Variants in GABPA observed in about 807,000 individuals in gnomAD.
The protein encoded by GABPA is GA-binding protein alpha chain.
In GABPA, 4 loss-of-function variants were observed where a neutral mutation model predicts 59.4. The observed-to-expected ratio is 0.07, with a 90% CI of 0.03 to 0.15. The LOEUF is 0.15. GABPA is among the 10% of genes least tolerant of loss of function. GABPA has a pLI of 1.00. For synonymous variants in GABPA, 164 were observed against 183.1 expected (o/e 0.90, Z 0.84); for missense variants, 251 against 543.8 (o/e 0.46, Z 5.36).
At chr21:25,744,896 A>G (rs1051685005) in intron 2 of GABPA, among the ~76,000 whole-genome samples, 15 of 152,204 alleles carry the variant, frequency 9.9e-5, no homozygotes, top group African/African-American at 3.6e-4. Context: ...AAATAACTTG[A>G]AAATGTAATG....
At chr21:25,736,394 C>T (rs778153749) in intron 1 of GABPA, among the ~76,000 whole-genome samples, 17 of 152,262 alleles carry the variant, frequency 1.1e-4, no homozygotes, top group South Asian at 2.1e-4. Flanking sequence ...TAACATTCTT[C>T]GGTAGTGTTA....
At chr21:25,748,992 A>G (rs2035439241) in intron 3 of GABPA, 44 bp from the exon 4 acceptor site, 2 of 1,195,958 alleles carry the variant, frequency 1.7e-6, no homozygotes, top group Admixed American at 1.7e-5. Context: ...GACTTAATCT[A>G]ATGATTGCAC....
intron 3 of GABPA, among the ~76,000 whole-genome samples, chr21:25,746,780 A>T (rs1241727778): frequency 6.6e-6 from 1 of 152,216 alleles, no homozygotes; most frequent in Non-Finnish European, 1.5e-5. Context: ...TTAAATGTGA[A>T]ATTCCTAACA....
intron 1 of GABPA, among the ~76,000 whole-genome samples, chr21:25,737,832 T>C (rs112286802): frequency 1.5e-4 from 23 of 152,262 alleles, no homozygotes; most frequent in African/African-American, 5.5e-4. Context: ...AACCTGATTC[T>C]CACTTTTTTC....
In GABPA at chr21:25,758,388, A is replaced by G. The variant is rs1201171288; in HGVS notation, c.748+184A>G. On this transcript the variant is annotated intron_variant, in intron 6 of 9. Coordinates refer to ENST00000400075, the MANE Select transcript of GABPA (RefSeq NM_002040.4). ...GTTCTTTAATTCCTATAGTAACACC[A>G]TAAGTCATTACTTTGCTTATTTTTT... Among the ~76,000 whole-genome samples, 3 of 152,206 alleles carry G rather than the reference A, an allele frequency of 2.0e-5. No individual in the cohort carries two copies. In the East Asian group the frequency reaches 5.8e-4, roughly 29 times the overall value.
chr21:25,759,635 T>G (rs1309288093), intron 6 of GABPA, among the ~76,000 whole-genome samples: 1 of 152,210 alleles, frequency 6.6e-6, no homozygotes, highest in Non-Finnish European at 1.5e-5. Flanking sequence ...AAAGACTTAG[T>G]ACATTCATTG....
chr21:25,749,009 A>G (rs1179554006), intron 3 of GABPA, 27 bp from the exon 4 acceptor site: 4 of 1,427,602 alleles, frequency 2.8e-6, no homozygotes, highest in Non-Finnish European at 4.0e-6. Context: ...GCACTGAAAT[A>G]ATCTTACTCA....
At chr21:25,765,105 A>T (rs2035859316) in intron 9 of GABPA, among the ~76,000 whole-genome samples, 1 of 151,982 alleles carries the variant, frequency 6.6e-6, no homozygotes. Flanking sequence ...TTAATGAGTA[A>T]GCAGAAACTG....
At chr21:25,751,395 G>A (rs2035509617) in intron 4 of GABPA, among the ~76,000 whole-genome samples, 1 of 150,696 alleles carries the variant, frequency 6.6e-6, no homozygotes, top group Non-Finnish European at 1.5e-5. Flanking sequence ...TTTTCCATAG[G>A]AATTACAGTT....
At chr21:25,752,323 C>G (rs2035533523) in intron 5 of GABPA, 89 bp downstream of exon 5, 1 of 1,275,222 alleles carries the variant, frequency 7.8e-7, no homozygotes, top group Non-Finnish European at 1.1e-6. Context: ...ATCTATTTTA[C>G]ATGTAGAGTT....
At chr21:25,760,497 C>T (rs2035739107) in intron 6 of GABPA, among the ~76,000 whole-genome samples, 1 of 152,018 alleles carries the variant, frequency 6.6e-6, no homozygotes, top group Non-Finnish European at 1.5e-5. Flanking sequence ...TTCACCTGAG[C>T]CACCACCTGC....
intron 1 of GABPA, among the ~76,000 whole-genome samples, chr21:25,738,864 A>G (rs1238023413): frequency 6.6e-6 from 1 of 152,036 alleles, no homozygotes; most frequent in Non-Finnish European, 1.5e-5. Context: ...TACACATAGC[A>G]CCAGTTAAGG....
intron 4 of GABPA, among the ~76,000 whole-genome samples, chr21:25,749,415 G>A (rs561068033): frequency 1.3e-5 from 2 of 152,280 alleles, no homozygotes; most frequent in South Asian, 2.1e-4. Context: ...CAGCCACACT[G>A]CAGAACTGGA....
At chr21:25,756,564 CTTTCATCTTGTCCTGT>C (rs1194178986) in intron 5 of GABPA, among the ~76,000 whole-genome samples, 3 of 152,188 alleles carry the variant, frequency 2.0e-5, no homozygotes, top group African/African-American at 7.2e-5. Context: ...TTTAGCGTTG[CTTTCATCTTGTCCTGT>C]TGTACTTTGA....
Position 25,769,225 on chromosome 21 carries a change from A to G in GABPA, c.1358A>G (p.Asp453Gly), listed in dbSNP as rs781055135. 4.4e-6 allele frequency: 7 copies of G among 1,590,328 alleles called. No individual in the cohort carries two copies. The highest frequency in any genetic ancestry group is 6.0e-6 in the Non-Finnish European group (7 of 1,158,666). The change falls in exon 10 of 10, where the codon GAT becomes GGT. Residue 453 changes from aspartate to glycine, a missense_variant. Coordinates refer to ENST00000400075, the MANE Select transcript of GABPA (RefSeq NM_002040.4). ...LATASLQTEK[D>G]N ...ACTGCTTCTCTGCAAACGGAAAAGG[A>G]TAATTGAGCCCCAGGACATTCTGAG...
rs144990748 is a variant in GABPA, at chr21:25,764,423, T to G, written c.943+73T>G. ...GTATATTTTGTTGTATTTTACTGTA[T>G]GAAAAATGTGAATTTGGACTATCCC... is the stretch of plus-strand genomic sequence containing the variant. On this transcript the variant is annotated intron_variant, in intron 8 of 9. Transcript: ENST00000400075. 9.6e-6 allele frequency: 14 copies of G among 1,455,944 alleles called. No individual in the cohort carries two copies. In the Middle Eastern group the frequency reaches 9.8e-4, roughly 102 times the overall value. 90.2% of individuals were successfully genotyped at this position (1,455,944 alleles called of 1,614,324 possible). A position where few individuals can be genotyped will look rare whatever the true frequency, so the allele number is the denominator to read the frequency against.
In GABPA at chr21:25,752,392, CAT is replaced by C. The variant is rs2035535561; in HGVS notation, c.553+159_553+160del. On this transcript the variant is annotated intron_variant, in intron 5 of 9. Transcript: ENST00000400075. Reference sequence around the variant, plus strand: ...TTTAATTGTAACGCACATTTAAGCTCATGTGGTGGACAAATTCTGTCCTGCGT... The same window carrying C: ...TTTAATTGTAACGCACATTTAAGCTCGTGGTGGACAAATTCTGTCCTGCGT... The C allele has an allele frequency of 6.1e-6, 5 of 813,680 alleles. No individual in the cohort carries two copies. The Admixed American group carries it at 1.2e-4, about 19-fold the overall frequency. 50.4% of individuals were successfully genotyped at this position (813,680 alleles called of 1,614,324 possible).
intron 5 of GABPA, among the ~76,000 whole-genome samples, chr21:25,757,664 A>C (rs1351338865): frequency 6.6e-6 from 1 of 151,986 alleles, no homozygotes; most frequent in Non-Finnish European, 1.5e-5. Context: ...ATTTTTTTAA[A>C]CTTGGATAAT....
At chr21:25,759,571 T>C (rs758087885) in intron 6 of GABPA, among the ~76,000 whole-genome samples, 2 of 152,132 alleles carry the variant, frequency 1.3e-5, no homozygotes, top group Non-Finnish European at 2.9e-5. Flanking sequence ...TTGTTTATAA[T>C]TTTATTCTTG....
Sources: gnomAD v4.1 joint callset for allele counts (sites outside exome capture counted in the v4.1 genomes callset) on GRCh38, gnomAD v4.1.1 for gene constraint, MANE v1.5 for transcripts, NCBI Gene and HGNC (gene_info 2026-07-23, HGNC 2026-07-21) for gene names.